KALRN: variants seen among roughly 807,000 people sequenced by gnomAD.
KALRN encodes kalirin.
Under a neutral mutation model 353.7 loss-of-function variants are expected in KALRN, and 70 were observed. That is an observed-to-expected ratio of 0.20 (90% CI 0.16 to 0.24). KALRN has a LOEUF of 0.24. KALRN is among the 10% of genes least tolerant of loss of function. The probability of loss-of-function intolerance (pLI) is 1.00; values close to 1 mark genes in which losing one functional copy is unlikely to be tolerated. For missense variants in KALRN, 2,791 were observed against 3,756.7 expected (o/e 0.74, Z 6.72); for synonymous variants, 1,391 against 1,434.8 (o/e 0.97, Z 0.69).
chr3:124,113,914 TA>T (rs1386539588), intron 1 of KALRN, among the ~76,000 whole-genome samples: 2 of 152,162 alleles, frequency 1.3e-5, no homozygotes, highest in African/African-American at 4.8e-5. Context: ...ATCAACCACT[TA>T]AGGAGAGAAG....
chr3:124,127,626 A>G (rs533874980), intron 1 of KALRN, among the ~76,000 whole-genome samples: 19 of 152,326 alleles, frequency 1.2e-4, no homozygotes, highest in Non-Finnish European at 1.8e-4. Context: ...TTGCCTCTAG[A>G]TGATCTCTGA....
intron 33 of KALRN, among the ~76,000 whole-genome samples, chr3:124,506,459 A>C (rs900138690): frequency 6.6e-6 from 1 of 152,198 alleles, no homozygotes; most frequent in African/African-American, 2.4e-5. Context: ...ATGTTCAGAT[A>C]GTCTAATTTT....
chr3:124,303,262 C>T (rs1409208299), intron 6 of KALRN, among the ~76,000 whole-genome samples: 1 of 152,028 alleles, frequency 6.6e-6, no homozygotes, highest in African/African-American at 2.4e-5. Flanking sequence ...TTGAATTTCC[C>T]ACTGGGAAAC....
rs892391850 is a variant in KALRN, at chr3:124,430,851, G to A, written c.2829+76G>A. On this transcript the variant is annotated intron_variant, in intron 16 of 59. Coordinates refer to ENST00000682506, the MANE Select transcript of KALRN (RefSeq NM_001388419.1). ...ACCTCAGGCAGGGTGATTCTCAGGTGTGGGTGTTCCTTCAGGCAGCGAAGG... is the reference window on the plus strand; with the variant it reads ...ACCTCAGGCAGGGTGATTCTCAGGTATGGGTGTTCCTTCAGGCAGCGAAGG... 11 of 1,517,114 alleles carry A rather than the reference G, an allele frequency of 7.3e-6. No individual in the cohort carries two copies. The Admixed American group carries it at 9.5e-5, about 13-fold the overall frequency. The allele number at this position is 1,517,114 out of a possible 1,614,324, so 94.0% of individuals were successfully genotyped here. A position where few individuals can be genotyped will look rare whatever the true frequency, so the allele number is the denominator to read the frequency against.
chr3:124,040,268 T>C (rs1408351908), intron 1 of KALRN, among the ~76,000 whole-genome samples: 1 of 152,224 alleles, frequency 6.6e-6, no homozygotes, highest in African/African-American at 2.4e-5. Flanking sequence ...TAGAGGTTCT[T>C]CTTAGATGTT....
At chr3:124,248,296 T>A (rs1186230825) in intron 3 of KALRN, among the ~76,000 whole-genome samples, 1 of 152,234 alleles carries the variant, frequency 6.6e-6, no homozygotes, top group Non-Finnish European at 1.5e-5. Context: ...GATCTCTATT[T>A]CAGACATGAA....
At chr3:124,474,520 C>A (rs1470761234) in intron 25 of KALRN, 143 bp from the exon 26 acceptor site, 4 of 644,630 alleles carry the variant, frequency 6.2e-6, no homozygotes, top group Non-Finnish European at 1.1e-5. Flanking sequence ...ACATTAAAAA[C>A]TGCACCTCAC....
chr3:124,373,531 A>G (rs1368361393), intron 10 of KALRN, among the ~76,000 whole-genome samples: 4 of 152,156 alleles, frequency 2.6e-5, no homozygotes, highest in Non-Finnish European at 5.9e-5. Context: ...CTGAGATTGC[A>G]GTGTTAGCAG....
chr3:124,506,750 G>A (rs983207052), intron 33 of KALRN, among the ~76,000 whole-genome samples: 7 of 152,160 alleles, frequency 4.6e-5, no homozygotes, highest in African/African-American at 1.7e-4. Context: ...TGTCCTTTCT[G>A]CAAGAATAGA....
At chr3:124,414,334 T>G (rs1217348679) in intron 14 of KALRN, among the ~76,000 whole-genome samples, 2 of 152,196 alleles carry the variant, frequency 1.3e-5, no homozygotes, top group Non-Finnish European at 1.5e-5. Context: ...TTTCCTCTTC[T>G]GCTCCCGATC....
chr3:124,462,834 C>G (rs574940449), intron 25 of KALRN, among the ~76,000 whole-genome samples: 7 of 152,320 alleles, frequency 4.6e-5, no homozygotes, highest in Admixed American at 3.9e-4. Context: ...GTCAAGTATT[C>G]AGCAGTGCTC....
chr3:124,115,734 G>T (rs534827868), intron 1 of KALRN, among the ~76,000 whole-genome samples: 20 of 152,268 alleles, frequency 1.3e-4, no homozygotes, highest in Admixed American at 1.0e-3. Context: ...TGTGGTTTGG[G>T]TGTTAGCTAG....
chr3:124,669,641 C>G (rs78334752), intron 47 of KALRN, among the ~76,000 whole-genome samples: 4,244 of 152,278 alleles, frequency 0.028, 81 homozygotes, highest in East Asian at 0.078. Context: ...ACCTTTACTT[C>G]GTTCCAAGAG....
chr3:124,307,904 G>A (rs1424849349), intron 6 of KALRN, among the ~76,000 whole-genome samples: 1 of 151,880 alleles, frequency 6.6e-6, no homozygotes, highest in Non-Finnish European at 1.5e-5. Flanking sequence ...CAATCTAATT[G>A]CTGTATACAG....
intron 33 of KALRN, among the ~76,000 whole-genome samples, chr3:124,506,767 A>G (rs1015619744): frequency 6.6e-6 from 1 of 152,258 alleles, no homozygotes; most frequent in Non-Finnish European, 1.5e-5. Flanking sequence ...TAGAATTTTT[A>G]AAGTTTCACT....
At chr3:124,360,488 T>A (rs1281951506) in intron 10 of KALRN, among the ~76,000 whole-genome samples, 1 of 151,878 alleles carries the variant, frequency 6.6e-6, no homozygotes, top group Non-Finnish European at 1.5e-5. Context: ...TCAGAAAGAG[T>A]GGAATCACTC....
chr3:124,497,676 A>G lies in KALRN; in HGVS notation c.4935+1263A>G, dbSNP rs368108760. Reference sequence around the variant, plus strand: ...TTGTGAAAACATACAATGAAAAACCATTTCTGTAATTTCCTGTCTCCTCTG... The same window carrying G: ...TTGTGAAAACATACAATGAAAAACCGTTTCTGTAATTTCCTGTCTCCTCTG... On this transcript the variant is annotated intron_variant, in intron 33 of 59. Coordinates refer to ENST00000682506, the MANE Select transcript of KALRN (RefSeq NM_001388419.1). Among the ~76,000 whole-genome samples, 96 of 152,366 alleles carry G rather than the reference A, an allele frequency of 6.3e-4. 4 individuals carry two copies. The South Asian group carries it at 0.019, about 31-fold the overall frequency.
chr3:124,422,664 G>C, intron 14 of KALRN, 148 bp from the exon 15 acceptor site: 1 of 646,350 alleles, frequency 1.5e-6, no homozygotes, highest in South Asian at 2.1e-5. Context: ...GCGCATTGTG[G>C]TGCCCAGTTT....
At chr3:124,715,804 T>A (rs577678793) in intron 58 of KALRN, among the ~76,000 whole-genome samples, 1 of 152,182 alleles carries the variant, frequency 6.6e-6, no homozygotes, top group Non-Finnish European at 1.5e-5. Flanking sequence ...AAAGAATACC[T>A]GACATTTGGT....
Sources: gnomAD v4.1 joint callset for allele counts (sites outside exome capture counted in the v4.1 genomes callset) on GRCh38, gnomAD v4.1.1 for gene constraint, MANE v1.5 for transcripts, NCBI Gene and HGNC (gene_info 2026-07-23, HGNC 2026-07-21) for gene names.